The following TJP1 variants were observed in gnomAD, a reference collection of about 807,000 sequenced individuals.
TJP1 encodes the protein tight junction protein 1.
TJP1 carries 43 observed loss-of-function variants against 194.2 expected under a neutral mutation model. The observed-to-expected ratio is 0.22, with a 90% CI of 0.17 to 0.29. The LOEUF (loss-of-function observed/expected upper bound fraction) is 0.29, where lower values mean the gene tolerates loss of function less well. Ranked by LOEUF, TJP1 falls within the 10% of genes least tolerant of loss-of-function variation. TJP1 has a pLI of 1.00. For synonymous variants in TJP1, 801 were observed against 779.0 expected, an observed-to-expected ratio of 1.03 and a Z score of -0.47; for missense variants, 1,971 against 2,185.7, an observed-to-expected ratio of 0.90 and a Z score of 1.96.
intron 2 of TJP1, among the ~76,000 whole-genome samples, chr15:29,788,407 CCT>C (rs1306101074): frequency 6.6e-6 from 1 of 152,082 alleles, no homozygotes; most frequent in Admixed American, 6.6e-5. Flanking sequence ...AATAATTATC[CCT>C]GTGTTTTCTT....
chr15:29,742,452 G>T (rs2044485881), intron 9 of TJP1, among the ~76,000 whole-genome samples, 190 bp downstream of exon 9: 2 of 152,118 alleles, frequency 1.3e-5, no homozygotes, highest in African/African-American at 4.8e-5. Flanking sequence ...GAAAGTAAAG[G>T]AAAACATTCA....
intron 2 of TJP1, among the ~76,000 whole-genome samples, chr15:29,835,138 G>A (rs1167792758): frequency 6.6e-6 from 1 of 152,162 alleles, no homozygotes; most frequent in Non-Finnish European, 1.5e-5. Flanking sequence ...TAGGTTAAAA[G>A]CTGAAGATCT....
At chr15:29,767,069 C>T (rs2046374209) in intron 4 of TJP1, among the ~76,000 whole-genome samples, 1 of 152,204 alleles carries the variant, frequency 6.6e-6, no homozygotes, top group South Asian at 2.1e-4. Context: ...ATTAACTCAG[C>T]CGTACTTCAC....
intron 2 of TJP1, among the ~76,000 whole-genome samples, chr15:29,774,498 A>G (rs2046890784): frequency 6.6e-6 from 1 of 152,212 alleles, no homozygotes; most frequent in African/African-American, 2.4e-5. Context: ...TGAAGAAACC[A>G]GTCACAAAGG....
intron 21 of TJP1, 47 bp from the exon 22 acceptor site, chr15:29,718,165 A>G (rs1385711597): frequency 6.3e-7 from 1 of 1,587,774 alleles, no homozygotes; most frequent in Non-Finnish European, 8.5e-7. Flanking sequence ...CCTAAGGAAC[A>G]GATAATTAAC....
chr15:29,967,850 A>G (rs1733656255), intron 1 of TJP1, among the ~76,000 whole-genome samples: 1 of 152,248 alleles, frequency 6.6e-6, no homozygotes, highest in Admixed American at 6.5e-5. Flanking sequence ...ACTAATTTTA[A>G]AATTAAAATG....
upstream of TJP1, chr15:29,824,164 G>A (rs1450796794): frequency 6.8e-6 from 1 of 147,190 alleles, no homozygotes; most frequent in Non-Finnish European, 1.5e-5. Flanking sequence ...AGCACTTGGG[G>A]CCGTGCGCAG....
intron 2 of TJP1, among the ~76,000 whole-genome samples, chr15:29,900,682 G>A (rs926027251): frequency 6.6e-6 from 1 of 152,228 alleles, no homozygotes; most frequent in African/African-American, 2.4e-5. Context: ...GACTAGATGA[G>A]TAATCAATAT....
intron 2 of TJP1, among the ~76,000 whole-genome samples, chr15:29,928,158 C>T (rs1158311594): frequency 6.6e-6 from 1 of 150,812 alleles, no homozygotes; most frequent in African/African-American, 2.4e-5. Flanking sequence ...CAGAAACATA[C>T]CCACAATTGC....
chr15:29,713,283 A>T (rs1487529692), intron 23 of TJP1, among the ~76,000 whole-genome samples: 1 of 152,170 alleles, frequency 6.6e-6, no homozygotes, highest in Non-Finnish European at 1.5e-5. Flanking sequence ...CCCTGGAGGG[A>T]CACTGCTCTT....
At chr15:29,922,558 AAAT>A (rs1468704688) in intron 2 of TJP1, among the ~76,000 whole-genome samples, 1 of 152,212 alleles carries the variant, frequency 6.6e-6, no homozygotes, top group African/African-American at 2.4e-5. Flanking sequence ...AAGTAGAAAG[AAAT>A]AATTGGTGTG....
intron 2 of TJP1, among the ~76,000 whole-genome samples, chr15:29,892,361 T>G (rs1333115552): frequency 6.6e-6 from 1 of 152,232 alleles, no homozygotes; most frequent in Admixed American, 6.5e-5. Context: ...AGGAAGCAAG[T>G]GCTGATGCAG....
intron 2 of TJP1, among the ~76,000 whole-genome samples, chr15:29,800,177 T>C (rs2048691472): frequency 6.6e-6 from 1 of 152,316 alleles, no homozygotes; most frequent in Non-Finnish European, 1.5e-5. Flanking sequence ...ACTCATCTCT[T>C]ACTACTACTC....
chr15:29,727,032 T>A (rs1265533943), intron 16 of TJP1, 41 bp from the exon 17 acceptor site: 6 of 1,570,910 alleles, frequency 3.8e-6, no homozygotes, highest in Non-Finnish European at 5.2e-6. Flanking sequence ...ACACAAGACA[T>A]CATTAATTAA....
chr15:29,773,473 TC>T, intron 2 of TJP1, 116 bp from the exon 3 acceptor site: 2 of 997,648 alleles, frequency 2.0e-6, no homozygotes, highest in Non-Finnish European at 2.9e-6. Context: ...ATATCTGTGA[TC>T]CATAAACACT....
At chr15:29,922,414 T>C (rs1461813354) in intron 2 of TJP1, among the ~76,000 whole-genome samples, 4 of 152,266 alleles carry the variant, frequency 2.6e-5, no homozygotes, top group African/African-American at 9.6e-5. Context: ...TTGCTGTCTA[T>C]TAATTTGATA....
At chr15:29,924,080 C>CT (rs1312143286) in intron 2 of TJP1, among the ~76,000 whole-genome samples, 5 of 152,118 alleles carry the variant, frequency 3.3e-5, no homozygotes, top group Non-Finnish European at 7.4e-5. Context: ...TTTTTGAAAC[C>CT]TTTAATAAGG....
chr15:29,883,895 T>A (rs998699938), intron 2 of TJP1, among the ~76,000 whole-genome samples: 2 of 152,224 alleles, frequency 1.3e-5, no homozygotes, highest in Non-Finnish European at 2.9e-5. Context: ...GACAGTCTTA[T>A]GTATTTGGTG....
chr15:29,879,523 G>T (rs1224779410), intron 2 of TJP1, among the ~76,000 whole-genome samples: 1 of 152,148 alleles, frequency 6.6e-6, no homozygotes, highest in Non-Finnish European at 1.5e-5. Flanking sequence ...CTGCATTAAT[G>T]ATTATTAGTC....
Sources: gnomAD v4.1 joint callset for allele counts (sites outside exome capture counted in the v4.1 genomes callset) on GRCh38, gnomAD v4.1.1 for gene constraint, MANE v1.5 for transcripts, NCBI Gene and HGNC (gene_info 2026-07-23, HGNC 2026-07-21) for gene names.